DYM: variants seen among roughly 807,000 people sequenced by gnomAD.
DYM encodes dyggve-Melchior-Clausen syndrome protein.
In DYM, 78 loss-of-function variants were observed where a neutral mutation model predicts 93.1. That is an observed-to-expected ratio of 0.84 (90% confidence interval 0.70 to 1.01). DYM has a LOEUF of 1.01. Ranked by LOEUF, DYM falls within the 50% of genes least tolerant of loss-of-function variation. The pLI, the probability that DYM is intolerant of heterozygous loss-of-function variation, is 0.00. For missense variants in DYM, 789 were observed against 845.0 expected (o/e 0.93, Z 0.82); for synonymous variants, 321 against 319.7 (o/e 1.00, Z -0.04).
intron 17 of DYM, among the ~76,000 whole-genome samples, chr18:49,070,156 G>C (rs2076778246): frequency 6.6e-6 from 1 of 152,216 alleles, no homozygotes; most frequent in African/African-American, 2.4e-5. Flanking sequence ...CATTTTGATT[G>C]TTCAGAATCT....
intron 17 of DYM, among the ~76,000 whole-genome samples, chr18:49,051,766 G>T (rs1294691669): frequency 6.6e-6 from 1 of 152,210 alleles, no homozygotes; most frequent in Non-Finnish European, 1.5e-5. Context: ...TCCAGGCGCT[G>T]CCCCCGTCCG....
chr18:49,322,044 C>A (rs2062523276), intron 8 of DYM, among the ~76,000 whole-genome samples: 1 of 151,862 alleles, frequency 6.6e-6, no homozygotes, highest in Non-Finnish European at 1.5e-5. Flanking sequence ...CATACCATAC[C>A]CATCACAATG....
chr18:49,315,367 T>C (rs1427429810), intron 8 of DYM, among the ~76,000 whole-genome samples: 2 of 152,190 alleles, frequency 1.3e-5, no homozygotes, highest in Non-Finnish European at 2.9e-5. Flanking sequence ...CTACCGGGTA[T>C]GGGAGGAAAA....
intron 13 of DYM, among the ~76,000 whole-genome samples, chr18:49,220,904 T>A (rs1327821469): frequency 1.3e-5 from 2 of 152,032 alleles, no homozygotes; most frequent in Non-Finnish European, 1.5e-5. Context: ...AGTTGACAAA[T>A]GGGATCTAAT....
intron 5 of DYM, among the ~76,000 whole-genome samples, chr18:49,373,475 C>T (rs897213282): frequency 1.3e-5 from 2 of 152,098 alleles, no homozygotes; most frequent in African/African-American, 4.8e-5. Context: ...GGGAGTGTAG[C>T]AGTAAGGATG....
chr18:49,257,207 T>G, intron 12 of DYM, 103 bp from the exon 13 acceptor site: 2 of 879,242 alleles, frequency 2.3e-6, no homozygotes, highest in Non-Finnish European at 3.7e-6. Context: ...TTGTCACTGA[T>G]TTTAGAAAGT....
chr18:49,336,146 A>T (rs1338929560), intron 6 of DYM, among the ~76,000 whole-genome samples: 3 of 152,212 alleles, frequency 2.0e-5, no homozygotes, highest in Admixed American at 6.5e-5. Context: ...TCAATAATAA[A>T]GAATCAGCTG....
Position 49,040,582 on chromosome 18 carries a change from A to G in DYM, c.*3473T>C, listed in dbSNP as rs1386780538. Among the ~76,000 whole-genome samples the G allele has an allele frequency of 6.6e-6, 1 of 152,214 alleles. No homozygotes were observed. ...CCTCTTTGACTCCAGGAGGTGATGT[A>G]GGACACTGGAATTGTTCTGAATTTG... On this transcript the variant is annotated 3_prime_UTR_variant, in exon 18 of 18. Coordinates refer to ENST00000675505, the MANE Select transcript of DYM (RefSeq NM_001353214.3).
At chr18:49,295,383 G>T (rs1483905958) in intron 8 of DYM, among the ~76,000 whole-genome samples, 1 of 152,174 alleles carries the variant, frequency 6.6e-6, no homozygotes, top group African/African-American at 2.4e-5. Flanking sequence ...AAATATGTCT[G>T]CATGACTAAA....
chr18:49,451,525 A>G (rs902415695), intron 1 of DYM, among the ~76,000 whole-genome samples: 1 of 152,234 alleles, frequency 6.6e-6, no homozygotes, highest in Non-Finnish European at 1.5e-5. Flanking sequence ...TTGGGACCTT[A>G]AGAGAAAAGG....
chr18:49,332,108 A>G, intron 7 of DYM, 102 bp from the exon 8 acceptor site: 1 of 1,194,790 alleles, frequency 8.4e-7, no homozygotes, highest in Non-Finnish European at 1.2e-6. Context: ...ATCTGTTAAT[A>G]CAAAAGGGCT....
intron 17 of DYM, among the ~76,000 whole-genome samples, chr18:49,091,267 A>G (rs560807884): frequency 6.6e-6 from 1 of 152,336 alleles, no homozygotes; most frequent in South Asian, 2.1e-4. Flanking sequence ...AGCTTACATT[A>G]TCTAGGAGGA....
chr18:49,260,762 G>A (rs563091395), intron 11 of DYM, among the ~76,000 whole-genome samples: 4 of 151,990 alleles, frequency 2.6e-5, no homozygotes, highest in African/African-American at 9.7e-5. Flanking sequence ...TTGAGGGAAG[G>A]CATTATGATT....
intron 5 of DYM, among the ~76,000 whole-genome samples, chr18:49,372,247 A>C (rs2067111466): frequency 1.3e-5 from 2 of 152,228 alleles, no homozygotes; most frequent in African/African-American, 4.8e-5. Flanking sequence ...GTAATCATTT[A>C]ATTTTATTGC....
intron 15 of DYM, among the ~76,000 whole-genome samples, chr18:49,159,315 T>G (rs1302822569): frequency 6.6e-6 from 1 of 152,192 alleles, no homozygotes; most frequent in East Asian, 1.9e-4. Context: ...GAAACATCTC[T>G]GAATTTAAAT....
intron 2 of DYM, among the ~76,000 whole-genome samples, chr18:49,420,558 T>C (rs1371157039): frequency 1.3e-5 from 2 of 152,140 alleles, no homozygotes; most frequent in Admixed American, 1.3e-4. Flanking sequence ...GATGGCTGAA[T>C]AGAAACAACT....
At chr18:49,427,995 G>A (rs72642467) in intron 2 of DYM, among the ~76,000 whole-genome samples, 1 of 152,256 alleles carries the variant, frequency 6.6e-6, no homozygotes, top group South Asian at 2.1e-4. Flanking sequence ...GGAAGGTGAA[G>A]TGGAAGGATC....
intron 13 of DYM, among the ~76,000 whole-genome samples, chr18:49,210,662 C>A (rs555195012): frequency 9.2e-5 from 14 of 152,250 alleles, no homozygotes; most frequent in African/African-American, 3.4e-4. Flanking sequence ...TATACAACAC[C>A]AAGAGTGAAC....
At chr18:49,251,164 A>G (rs1037483597) in intron 13 of DYM, among the ~76,000 whole-genome samples, 6 of 152,254 alleles carry the variant, frequency 3.9e-5, no homozygotes, top group African/African-American at 1.4e-4. Context: ...CCTGATAGCA[A>G]TAGGAAGCCA....
Sources: gnomAD v4.1 joint callset for allele counts (sites outside exome capture counted in the v4.1 genomes callset) on GRCh38, gnomAD v4.1.1 for gene constraint, MANE v1.5 for transcripts, NCBI Gene and HGNC (gene_info 2026-07-23, HGNC 2026-07-21) for gene names.